The following CEP83 variants were observed in gnomAD, a reference collection of about 807,000 sequenced individuals.
CEP83 encodes the protein centrosomal protein 83.
A neutral mutation model predicts 101.9 loss-of-function variants in CEP83; 70 were observed. That is an observed-to-expected ratio of 0.69 (90% CI 0.57 to 0.84). CEP83 has a LOEUF of 0.84. Ranked by LOEUF, CEP83 falls within the 40% of genes least tolerant of loss-of-function variation. CEP83 has a pLI of 0.00. For missense variants in CEP83, 715 were observed against 787.2 expected (o/e 0.91, Z 1.10); for synonymous variants, 264 against 267.9 (o/e 0.99, Z 0.14).
the CEP83 span, among the ~76,000 whole-genome samples, chr12:94,290,892 C>T: frequency 6.6e-6 from 1 of 152,206 alleles, no homozygotes; most frequent in African/African-American, 2.4e-5. Context: ...GAAACAGTTC[C>T]AGAATGAAGG....
At chr12:94,325,516 G>A (rs1197186920) in intron 14 of CEP83, among the ~76,000 whole-genome samples, 3 of 152,148 alleles carry the variant, frequency 2.0e-5, no homozygotes, top group Non-Finnish European at 4.4e-5. Flanking sequence ...CCACCTGATA[G>A]TATTTCTTTC....
chr12:94,333,308 G>C (rs2059315695), intron 13 of CEP83, among the ~76,000 whole-genome samples, 174 bp downstream of exon 13: 1 of 151,962 alleles, frequency 6.6e-6, no homozygotes, highest in South Asian at 2.1e-4. Flanking sequence ...AGTCAGTATA[G>C]TTCATTCTAT....
chr12:94,416,746 T>C (rs184516696), intron 2 of CEP83, among the ~76,000 whole-genome samples: 65 of 152,132 alleles, frequency 4.3e-4, no homozygotes, highest in Non-Finnish European at 7.2e-4. Flanking sequence ...TCAATGATCC[T>C]GCAATGTCAG....
chr12:94,441,532 G>A (rs146606545), intron 1 of CEP83, among the ~76,000 whole-genome samples: 1 of 152,328 alleles, frequency 6.6e-6, no homozygotes, highest in Non-Finnish European at 1.5e-5. Context: ...ATGGTGACAA[G>A]GATGTAGTGA....
At chr12:94,307,211 A>AAGTC (rs1969131134), downstream of CEP83, 1 of 152,184 alleles carries the variant, frequency 6.6e-6, no homozygotes, top group Admixed American at 6.6e-5. Context: ...AACTTTGGGC[A>AAGTC]AGTCACTTAC....
chr12:94,413,239 C>A (rs1249390892), intron 2 of CEP83, among the ~76,000 whole-genome samples: 2 of 152,188 alleles, frequency 1.3e-5, no homozygotes, highest in East Asian at 3.9e-4. Flanking sequence ...CTGAATCACA[C>A]CTTGAACAAT....
At chr12:94,365,772 A>C (rs1441747943) in intron 11 of CEP83, among the ~76,000 whole-genome samples, 1 of 151,046 alleles carries the variant, frequency 6.6e-6, no homozygotes, top group Non-Finnish European at 1.5e-5. Context: ...TGTGTTTGAA[A>C]AAAAAAAAAA....
the CEP83 span, among the ~76,000 whole-genome samples, chr12:94,288,718 C>T: frequency 6.6e-6 from 1 of 152,342 alleles, no homozygotes; most frequent in South Asian, 2.1e-4. Context: ...CATCAGTTTC[C>T]AGCCTTGGGG....
At chr12:94,322,826 C>A (rs1383387552) in intron 14 of CEP83, among the ~76,000 whole-genome samples, 1 of 152,214 alleles carries the variant, frequency 6.6e-6, no homozygotes, top group Non-Finnish European at 1.5e-5. Flanking sequence ...CAGCCCCATC[C>A]CTCCCCCTGG....
chr12:94,447,273 A>T (rs902617108), intron 1 of CEP83, among the ~76,000 whole-genome samples: 1 of 152,108 alleles, frequency 6.6e-6, no homozygotes. Context: ...CAGCACTTTG[A>T]GAGGCCAAGG....
chr12:94,313,192 C>T (rs1008581368), intron 14 of CEP83, 175 bp from the exon 15 acceptor site: 10 of 384,362 alleles, frequency 2.6e-5, no homozygotes, highest in Non-Finnish European at 2.8e-5. Flanking sequence ...GATAATAAAC[C>T]ACAAATCTAT....
Position 94,458,467 on chromosome 12 carries a change from G to A in CEP83, c.-155+1090C>T, listed in dbSNP as rs138666495. On this transcript the variant is annotated intron_variant, in intron 1 of 16. Transcript: ENST00000397809. The stretch of plus-strand genomic sequence containing the variant: ...AATTTAAAGCATTCTGGCCTGGTGC[G>A]GTGGCTCACACCTGTAATCCCAGCA... Among the ~76,000 whole-genome samples, 348 of 152,164 alleles carry A rather than the reference G, an allele frequency of 2.3e-3. 2 individuals are homozygous for A. The highest frequency in any genetic ancestry group is 7.6e-3 in the African/African-American group (315 of 41,518).
chr12:94,389,604 T>C (rs929639190), intron 6 of CEP83, among the ~76,000 whole-genome samples: 4 of 152,164 alleles, frequency 2.6e-5, no homozygotes, highest in African/African-American at 4.8e-5. Flanking sequence ...ACCTGGTTCA[T>C]CTCACTGGGA....
At chr12:94,278,173 A>C in the CEP83 span, 1 of 384,606 alleles carries the variant, frequency 2.6e-6, no homozygotes, top group African/African-American at 2.1e-5. Flanking sequence ...AATTCCCATT[A>C]CTTGATCATT....
At chr12:94,437,033 G>C (rs1229912633) in intron 1 of CEP83, among the ~76,000 whole-genome samples, 1 of 152,020 alleles carries the variant, frequency 6.6e-6, no homozygotes, top group Non-Finnish European at 1.5e-5. Context: ...GGTTTTGATA[G>C]ATATCTAGAC....
At chr12:94,417,489 G>A (rs536454714) in intron 2 of CEP83, among the ~76,000 whole-genome samples, 33 of 152,122 alleles carry the variant, frequency 2.2e-4, no homozygotes, top group South Asian at 2.1e-4. Context: ...TCCAAGTTTC[G>A]ATAGAGAACC....
At chr12:94,424,235 C>T in intron 2 of CEP83, 2 of 1,613,490 alleles carry the variant, frequency 1.2e-6, no homozygotes, top group Non-Finnish European at 1.7e-6. Flanking sequence ...GGCCATGATG[C>T]CCATGTCTCC....
downstream of CEP83, chr12:94,303,693 C>CTTTTT: frequency 1.4e-6 from 1 of 699,116 alleles, no homozygotes; most frequent in Non-Finnish European, 1.9e-6. Context: ...ATTCCTCCAT[C>CTTTTT]TTTTTTTTTT....
At chr12:94,372,474 T>G (rs1394152628) in intron 8 of CEP83, among the ~76,000 whole-genome samples, 1 of 152,066 alleles carries the variant, frequency 6.6e-6, no homozygotes, top group Non-Finnish European at 1.5e-5. Flanking sequence ...ACAAAGAAAA[T>G]CCAATCACTA....
Sources: gnomAD v4.1 joint callset for allele counts (sites outside exome capture counted in the v4.1 genomes callset) on GRCh38, gnomAD v4.1.1 for gene constraint, MANE v1.5 for transcripts, NCBI Gene and HGNC (gene_info 2026-07-23, HGNC 2026-07-21) for gene names.